The following EPAS1 variants were observed in gnomAD, a reference collection of about 807,000 sequenced individuals.
The protein encoded by EPAS1 is endothelial PAS domain-containing protein 1.
Under a neutral mutation model 87.9 loss-of-function variants are expected in EPAS1, and 23 were observed. The ratio of observed to expected loss-of-function variants is 0.26; its 90% CI spans 0.19 to 0.37. The LOEUF is 0.37. Among genes scored for constraint, EPAS1 ranks in the 10% least tolerant of loss-of-function variants. EPAS1 has a pLI of 1.00. For missense variants in EPAS1, 1,138 were observed against 1,120.7 expected (o/e 1.02, Z -0.22); for synonymous variants, 508 against 444.3 (o/e 1.14, Z -1.80).
chr2:46,311,807 G>T (rs1683216524), intron 1 of EPAS1, among the ~76,000 whole-genome samples: 1 of 152,194 alleles, frequency 6.6e-6, no homozygotes, highest in Non-Finnish European at 1.5e-5. Context: ...CCTGAGGGTG[G>T]TGTGGTCACT....
In EPAS1 at chr2:46,369,837, C is replaced by G. The variant is rs199738228; in HGVS notation, c.790C>G (p.Leu264Val). 57 of 1,612,608 alleles carry G rather than the reference C, an allele frequency of 3.5e-5. 1 individual carries two copies. In the South Asian group the frequency reaches 5.7e-4, roughly 16 times the overall value. Residue 264 changes from leucine to valine, a missense_variant, in exon 7 of 16, where the codon CTG becomes GTG. This residue lies in a region of EPAS1 where 351 missense variants were observed against 417.1 expected (regional missense o/e 0.84). Coordinates refer to ENST00000263734, the MANE Select transcript of EPAS1 (RefSeq NM_001430.5). ...TTTTTAAAAACTCAGAATCACAGAA[C>G]TGATTGGTTACCACCCTGAGGAGCT... The part of the protein sequence containing the change: ...FTYCDDRITE[L>V]IGYHPEELLG...
chr2:46,320,862 C>A (rs867750440), intron 1 of EPAS1, among the ~76,000 whole-genome samples: 2 of 151,982 alleles, frequency 1.3e-5, no homozygotes, highest in African/African-American at 2.4e-5. Context: ...GTGGTTAAAT[C>A]GTTTTTTATT....
chr2:46,378,819 A>T, intron 11 of EPAS1, 52 bp downstream of exon 11: 1 of 1,466,968 alleles, frequency 6.8e-7, no homozygotes, highest in South Asian at 1.1e-5. Flanking sequence ...TCTGGTGGAC[A>T]GCAAAGGCTC....
intron 2 of EPAS1, among the ~76,000 whole-genome samples, chr2:46,351,399 C>G (rs1024316346): frequency 6.6e-6 from 1 of 152,118 alleles, no homozygotes; most frequent in Admixed American, 6.6e-5. Flanking sequence ...TCTCAGGGAG[C>G]CCAGGAAGAT....
intron 1 of EPAS1, among the ~76,000 whole-genome samples, chr2:46,329,965 C>T (rs545462944): frequency 3.3e-5 from 5 of 152,318 alleles, no homozygotes; most frequent in African/African-American, 1.2e-4. Context: ...AAGAAGTTCA[C>T]TTATAGGCAT....
intron 1 of EPAS1, among the ~76,000 whole-genome samples, chr2:46,299,826 A>G (rs1682960783): frequency 6.6e-6 from 1 of 152,222 alleles, no homozygotes; most frequent in Non-Finnish European, 1.5e-5. Context: ...ACTGTTGGAA[A>G]GAGAGAAGAA....
chr2:46,381,692 T>C lies in EPAS1; in HGVS notation c.2142T>C (p.Tyr714=), dbSNP rs141452072. The change falls in exon 13 of 16, where the codon TAT becomes TAC. Residue 714 remains tyrosine (Y), a synonymous_variant. Transcript: ENST00000263734. ...TGAAGCTGAAGCGACAGCTGGAGTA[T>C]GAAGAGCAAGCCTTCCAGGACCTGA... ...NKLKLKRQLE[Y]EEQAFQDLSG... 54 of 1,613,948 alleles carry C rather than the reference T, an allele frequency of 3.3e-5. No homozygotes were observed. The African/African-American group carries it at 3.9e-4, about 12-fold the overall frequency.
chr2:46,318,535 G>T (rs991280053), intron 1 of EPAS1, among the ~76,000 whole-genome samples: 3 of 152,206 alleles, frequency 2.0e-5, no homozygotes, highest in African/African-American at 7.2e-5. Context: ...GCATGCCTGT[G>T]TTTCTTAACC....
chr2:46,362,893 G>A (rs929323928), intron 6 of EPAS1, among the ~76,000 whole-genome samples: 1 of 150,886 alleles, frequency 6.6e-6, no homozygotes, highest in Non-Finnish European at 1.5e-5. Flanking sequence ...GGGAGAAAAT[G>A]TCATGCATGA....
At chr2:46,333,319 A>G (rs1683724729) in intron 1 of EPAS1, among the ~76,000 whole-genome samples, 1 of 152,184 alleles carries the variant, frequency 6.6e-6, no homozygotes, top group South Asian at 2.1e-4. Flanking sequence ...GAGAGGTTTG[A>G]CATTTTGCCT....
chr2:46,372,732 G>A (rs1030811696), intron 7 of EPAS1, among the ~76,000 whole-genome samples: 2 of 152,248 alleles, frequency 1.3e-5, no homozygotes, highest in African/African-American at 4.8e-5. Context: ...TACTGACAGA[G>A]CAGGCCCTTG....
rs1179751717 is a variant in EPAS1, at chr2:46,380,449, G to C, written c.1777G>C (p.Glu593Gln). The C allele has an allele frequency of 6.2e-7, 1 of 1,614,164 alleles. No homozygotes were observed. The change falls in exon 12 of 16, where the codon GAG (glutamate) becomes CAG (glutamine). Residue 593 changes from glutamate to glutamine, a missense_variant. Transcript: ENST00000263734. The surrounding 1 kb of genome is among the most constrained non-coding windows in gnomAD (Gnocchi z 4.4). Reference protein sequence around the residue: ...FLLDKFQQQLESKKTEPEHRP... With the variant: ...FLLDKFQQQLQSKKTEPEHRP... ...CCTGGACAAGTTTCAGCAGCAGCTG[G>C]AGAGCAAGAAGACAGAGCCCGAGCA...
intron 1 of EPAS1, among the ~76,000 whole-genome samples, chr2:46,314,645 A>G (rs1341530343): frequency 6.6e-6 from 1 of 152,248 alleles, no homozygotes; most frequent in Non-Finnish European, 1.5e-5. Flanking sequence ...CCATTGTGAA[A>G]TAAATTTCAA....
chr2:46,303,187 G>A (rs541378483), intron 1 of EPAS1, among the ~76,000 whole-genome samples: 40 of 152,126 alleles, frequency 2.6e-4, no homozygotes, highest in African/African-American at 9.6e-4. Context: ...GGTAATAACC[G>A]CCCCCCTCCC....
In EPAS1 at chr2:46,382,592, G is replaced by T. The variant is rs766981439; in HGVS notation, c.2455G>T (p.Val819Leu). 9.3e-6 allele frequency: 15 copies of T among 1,614,102 alleles called. No homozygotes were observed. The South Asian group carries it at 1.1e-4, about 12-fold the overall frequency. Residue 819 changes from valine to leucine, a missense_variant, in exon 15 of 16, where the codon GTG becomes TTG. By Grantham distance (32) the Val-to-Leu change is conservative. Transcript: ENST00000263734. The stretch of plus-strand genomic sequence containing the variant: ...CTACAGCCTGTCGTCAGCCCACAAG[G>T]TGTCAGGTGGGTGTGCCCAGGATCT... ...QDYSLSSAHK[V>L]SGMASRLLGP...
At chr2:46,348,045 T>G (rs956685601) in intron 2 of EPAS1, among the ~76,000 whole-genome samples, 9 of 152,164 alleles carry the variant, frequency 5.9e-5, no homozygotes, top group Admixed American at 5.2e-4. Flanking sequence ...GCCATCCTGT[T>G]ATGAAGTGGC....
At chr2:46,349,395 C>A (rs1458795931) in intron 2 of EPAS1, among the ~76,000 whole-genome samples, 1 of 152,234 alleles carries the variant, frequency 6.6e-6, no homozygotes, top group Non-Finnish European at 1.5e-5. Context: ...CCCTCATGTG[C>A]TGATGGGAAC....
At chr2:46,313,247 G>A (rs1463896666) in intron 1 of EPAS1, among the ~76,000 whole-genome samples, 1 of 152,102 alleles carries the variant, frequency 6.6e-6, no homozygotes, top group African/African-American at 2.4e-5. Flanking sequence ...TCCTTCATCT[G>A]TAACATCTTT....
intron 15 of EPAS1, 97 bp downstream of exon 15, chr2:46,382,695 C>T (rs909861679): frequency 1.9e-5 from 29 of 1,506,034 alleles, no homozygotes; most frequent in Non-Finnish European, 7.2e-6. Context: ...GTGCCAGGCA[C>T]AGGGAGGTGC....
Sources: gnomAD v4.1 joint callset for allele counts (sites outside exome capture counted in the v4.1 genomes callset) on GRCh38, gnomAD v4.1.1 for gene constraint, gnomAD v4.1.1 regional missense constraint, Gnocchi (gnomAD v3.1) non-coding constraint, MANE v1.5 for transcripts, NCBI Gene and HGNC (gene_info 2026-07-23, HGNC 2026-07-21) for gene names.